Variants in OSBPL6 observed in about 807,000 individuals in gnomAD.
OSBPL6 encodes the protein oxysterol binding protein like 6.
A neutral mutation model predicts 125.8 loss-of-function variants in OSBPL6; 49 were observed. The observed-to-expected ratio is 0.39, with a 90% CI of 0.31 to 0.49. The LOEUF (loss-of-function observed/expected upper bound fraction) is 0.49. Among genes scored for constraint, OSBPL6 ranks in the 20% least tolerant of loss-of-function variants. The pLI, the probability that OSBPL6 is intolerant of heterozygous loss-of-function variation, is 0.88. For synonymous variants in OSBPL6, 394 were observed against 391.8 expected (o/e 1.01, Z -0.07); for missense variants, 986 against 1,135.4 (o/e 0.87, Z 1.89).
intron 1 of OSBPL6, among the ~76,000 whole-genome samples, chr2:178,278,690 A>G (rs1361746170): frequency 1.3e-5 from 2 of 152,214 alleles, no homozygotes; most frequent in African/African-American, 2.4e-5. Context: ...CATTAAACCT[A>G]TTGGATTGTG....
intron 1 of OSBPL6, among the ~76,000 whole-genome samples, chr2:178,253,405 G>C (rs2091768256): frequency 6.6e-6 from 1 of 152,148 alleles, no homozygotes; most frequent in African/African-American, 2.4e-5. Context: ...AATAGAAATG[G>C]ATAAGTTGAG....
intron 2 of OSBPL6, among the ~76,000 whole-genome samples, chr2:178,305,790 G>T (rs369930871): frequency 5.9e-5 from 9 of 151,298 alleles, no homozygotes; most frequent in African/African-American, 2.2e-4. Flanking sequence ...GAAAATGCAA[G>T]AGGAGAGAAT....
intron 2 of OSBPL6, among the ~76,000 whole-genome samples, chr2:178,304,408 A>G (rs1411347034): frequency 1.3e-5 from 2 of 152,270 alleles, no homozygotes; most frequent in East Asian, 3.9e-4. Flanking sequence ...ATGCCAAACA[A>G]AAGAGGAGAA....
chr2:178,290,321 A>G (rs1002312911), intron 2 of OSBPL6, among the ~76,000 whole-genome samples: 1 of 151,726 alleles, frequency 6.6e-6, no homozygotes, highest in Admixed American at 6.6e-5. Context: ...AAAAGGTGAT[A>G]TTTCTGCTTT....
At chr2:178,297,129 A>G (rs1009347691) in intron 2 of OSBPL6, among the ~76,000 whole-genome samples, 3 of 152,108 alleles carry the variant, frequency 2.0e-5, no homozygotes, top group South Asian at 2.1e-4. Context: ...TCAGGCCCCT[A>G]TAGTACTGTT....
chr2:178,391,139 G>A lies in OSBPL6; in HGVS notation c.2368G>A (p.Val790Met). The A allele has an allele frequency of 6.2e-7, 1 of 1,613,976 alleles. No individual in the cohort carries two copies. Among genetic ancestry groups the A allele is most frequent in the Non-Finnish European group, 8.5e-7 (1 of 1,179,950 alleles). The change falls in exon 22 of 25, where the codon GTG (valine) becomes ATG (methionine). Residue 790 changes from valine (V) to methionine (M), a missense_variant. Val to Met is a conservative substitution (Grantham distance 21, BLOSUM62 1). Coordinates refer to ENST00000190611, the MANE Select transcript of OSBPL6 (RefSeq NM_032523.4). Reference protein sequence around the residue: ...GVVIDQEGKAVYRLFGKWHEG... With the variant: ...GVVIDQEGKAMYRLFGKWHEG... The stretch of plus-strand genomic sequence containing the variant: ...GGTGATAGATCAGGAGGGGAAGGCG[G>A]TGTACCGGCTGTTTGGAAAGTGGCA...
chr2:178,200,466 C>T (rs1033208984), intron 1 of OSBPL6, among the ~76,000 whole-genome samples: 7 of 151,880 alleles, frequency 4.6e-5, no homozygotes, highest in Admixed American at 1.3e-4. Flanking sequence ...TGGCCAGACT[C>T]GTCCTGAACT....
chr2:178,377,600 G>A (rs1432419126), intron 15 of OSBPL6, among the ~76,000 whole-genome samples: 3 of 152,166 alleles, frequency 2.0e-5, no homozygotes, highest in Admixed American at 6.5e-5. Flanking sequence ...CCTAGCAGCA[G>A]CTGCAGGCTA....
At chr2:178,260,672 C>T (rs1010303821) in intron 1 of OSBPL6, among the ~76,000 whole-genome samples, 7 of 152,128 alleles carry the variant, frequency 4.6e-5, no homozygotes, top group Admixed American at 1.3e-4. Flanking sequence ...TAAACTATTT[C>T]TTGAGCTCAT....
At chr2:178,354,320 G>T (rs1189282325) in intron 12 of OSBPL6, among the ~76,000 whole-genome samples, 3 of 152,162 alleles carry the variant, frequency 2.0e-5, no homozygotes, top group Non-Finnish European at 4.4e-5. Context: ...AGACCCATCA[G>T]TGTGCTGTAT....
chr2:178,402,721 C>T lies in OSBPL6; in HGVS notation c.*7162C>T, dbSNP rs1023212327. 5 of 152,126 alleles carry T rather than the reference C, an allele frequency of 3.3e-5. No homozygotes were observed. Among genetic ancestry groups the T allele is most frequent in the Non-Finnish European group, 7.4e-5 (5 of 68,022 alleles). The allele number at this position is 152,126 out of a possible 1,614,324, so 9.4% of individuals were successfully genotyped here. On this transcript the variant is annotated 3_prime_UTR_variant, in exon 25 of 25. Coordinates refer to ENST00000190611, the MANE Select transcript of OSBPL6 (RefSeq NM_032523.4). ...GAAAAGAATTTCAAGCAACTTTCTA[C>T]GAAAATACAGCTTGTGGTTAAATTT...
intron 1 of OSBPL6, among the ~76,000 whole-genome samples, chr2:178,263,687 C>T (rs1373706842): frequency 6.6e-6 from 1 of 152,070 alleles, no homozygotes; most frequent in Non-Finnish European, 1.5e-5. Context: ...GCTTGGTGAT[C>T]ACTCTTTTCT....
chr2:178,291,441 A>C (rs1001175402), intron 2 of OSBPL6, among the ~76,000 whole-genome samples: 3 of 152,208 alleles, frequency 2.0e-5, no homozygotes, highest in African/African-American at 4.8e-5. Context: ...AACACTCTAA[A>C]TAAAGCAGAG....
chr2:178,318,702 T>C (rs898735812), intron 3 of OSBPL6, among the ~76,000 whole-genome samples: 3 of 152,196 alleles, frequency 2.0e-5, no homozygotes, highest in African/African-American at 2.4e-5. Context: ...CAAATTTTGA[T>C]GTCCTGATCA....
At position 178,286,667 on chromosome 2, in the gene OSBPL6, A is replaced by G. The variant is rs116922796; in HGVS notation, c.-156+1546A>G. Among the ~76,000 whole-genome samples, 32 of 152,294 alleles carry G rather than the reference A, an allele frequency of 2.1e-4. No individual in the cohort carries two copies. The East Asian group carries it at 6.2e-3, about 29-fold the overall frequency. ...CTCAGGGTCTGATATTTCATGACCT[A>G]AGAGTTCAGTTGCCTGATCTGACTG... On this transcript the variant is annotated intron_variant, in intron 2 of 24. Coordinates refer to ENST00000190611, the MANE Select transcript of OSBPL6 (RefSeq NM_032523.4).
intron 1 of OSBPL6, 80 bp downstream of exon 1, chr2:178,194,754 T>C (rs1436547830): frequency 6.6e-6 from 1 of 152,246 alleles, no homozygotes; most frequent in East Asian, 1.9e-4. Flanking sequence ...ATTGTGCGCC[T>C]CCGGCGGGCC....
intron 1 of OSBPL6, among the ~76,000 whole-genome samples, chr2:178,198,617 C>CACAAATAA (rs1553517705): frequency 5.1e-5 from 7 of 137,346 alleles, no homozygotes; most frequent in African/African-American, 1.9e-4. Flanking sequence ...GACTCCATCT[C>CACAAATAA]ATAAATAAAT....
intron 23 of OSBPL6, among the ~76,000 whole-genome samples, chr2:178,392,751 C>G (rs1695519895): frequency 6.6e-6 from 1 of 151,262 alleles, no homozygotes; most frequent in Admixed American, 6.6e-5. Context: ...GTCCCAGCTA[C>G]TAGGGAGGCT....
intron 3 of OSBPL6, among the ~76,000 whole-genome samples, chr2:178,316,556 A>C (rs547176960): frequency 1.3e-5 from 2 of 152,324 alleles, no homozygotes; most frequent in South Asian, 4.1e-4. Flanking sequence ...AGATCCGTGG[A>C]TTGAACCAGC....
Sources: gnomAD v4.1 joint callset for allele counts (sites outside exome capture counted in the v4.1 genomes callset) on GRCh38, gnomAD v4.1.1 for gene constraint, MANE v1.5 for transcripts, NCBI Gene and HGNC (gene_info 2026-07-23, HGNC 2026-07-21) for gene names.